Variants in TACR3 observed in about 807,000 individuals in gnomAD.
TACR3 encodes neuromedin-K receptor.
TACR3 carries 34 observed loss-of-function variants against 35.0 expected under a neutral mutation model. The observed-to-expected ratio is 0.97, with a 90% CI of 0.74 to 1.30. TACR3 has a LOEUF of 1.30. Among genes scored for constraint, TACR3 ranks in the 50% most tolerant of loss-of-function variants. TACR3 has a pLI of 0.00. For synonymous variants in TACR3, 233 were observed against 221.1 expected (o/e 1.05, Z -0.48); for missense variants, 558 against 591.7 (o/e 0.94, Z 0.59).
At chr4:103,611,879 C>G (rs1169836540) in intron 3 of TACR3, among the ~76,000 whole-genome samples, 1 of 152,140 alleles carries the variant, frequency 6.6e-6, no homozygotes, top group Non-Finnish European at 1.5e-5. Flanking sequence ...CATTCAATCA[C>G]TTGGCAAATC....
chr4:103,614,972 G>T (rs1355151043), intron 3 of TACR3, among the ~76,000 whole-genome samples: 1 of 132,278 alleles, frequency 7.6e-6, no homozygotes, highest in Non-Finnish European at 1.5e-5. Context: ...TCCGCTCACT[G>T]CAAGCTCCGC....
chr4:103,610,932 G>A (rs1024979890), intron 3 of TACR3, among the ~76,000 whole-genome samples: 11 of 152,080 alleles, frequency 7.2e-5, no homozygotes, highest in Non-Finnish European at 1.6e-4. Flanking sequence ...TCAGTCGGGT[G>A]TAAAGTGTGG....
intron 3 of TACR3, among the ~76,000 whole-genome samples, chr4:103,604,530 A>T (rs554230541): frequency 6.6e-6 from 1 of 152,358 alleles, no homozygotes; most frequent in Non-Finnish European, 1.5e-5. Flanking sequence ...AAAAGCCAAA[A>T]TTGACAAATG....
At position 103,615,398 on chromosome 4, in the gene TACR3, T is replaced by TGTGAGA. The variant is rs367881970; in HGVS notation, c.889-23716_889-23715insTCTCAC. ...TATCGTGTGTGTGTGTGTGTGTGTG[T>TGTGAGA]GAGAGAGAGAGAGAGAGAGAGAGAG... On this transcript the variant is annotated intron_variant, in intron 3 of 4. Transcript: ENST00000304883. Among the ~76,000 whole-genome samples the TGTGAGA allele has an allele frequency of 3.4e-3, 400 of 117,196 alleles. 1 individual carries two copies. Among genetic ancestry groups the TGTGAGA allele is most frequent in the African/African-American group, 9.9e-3 (345 of 34,724 alleles). The allele number at this position is 117,196 out of a possible 152,430, so 76.9% of individuals were successfully genotyped here.
Position 103,626,902 on chromosome 4 carries a change from C to T in TACR3, c.888+29292G>A, listed in dbSNP as rs112656180. The stretch of plus-strand genomic sequence containing the variant: ...GTTTTAATTGTGGTGGGGCCGAGCG[C>T]GGTAGCTCACACCCGTTATCCCAGC... On this transcript the variant is annotated intron_variant, in intron 3 of 4. Transcript: ENST00000304883. 6.8e-3 allele frequency among the ~76,000 whole-genome samples: 1,030 copies of T among 151,734 alleles called. 11 individuals carry two copies. Among genetic ancestry groups the T allele is most frequent in the African/African-American group, 0.023 (964 of 41,330 alleles).
At chr4:103,601,967 A>G (rs185497034) in intron 3 of TACR3, among the ~76,000 whole-genome samples, 1 of 152,358 alleles carries the variant, frequency 6.6e-6, no homozygotes, top group Non-Finnish European at 1.5e-5. Flanking sequence ...CCTAGATAGT[A>G]TCCTGCAGAG....
intron 1 of TACR3, among the ~76,000 whole-genome samples, chr4:103,687,076 G>A (rs1407288560): frequency 1.3e-5 from 2 of 152,010 alleles, no homozygotes; most frequent in African/African-American, 4.8e-5. Flanking sequence ...TCCCTGGGAT[G>A]CAAGGCTGGT....
chr4:103,613,645 C>T (rs2110298703), intron 3 of TACR3, among the ~76,000 whole-genome samples: 1 of 152,220 alleles, frequency 6.6e-6, no homozygotes, highest in South Asian at 2.1e-4. Context: ...ATTTTAATAG[C>T]TGGTAATAAA....
At chr4:103,680,639 C>A (rs1722037090) in intron 1 of TACR3, among the ~76,000 whole-genome samples, 1 of 151,212 alleles carries the variant, frequency 6.6e-6, no homozygotes, top group Non-Finnish European at 1.5e-5. Flanking sequence ...CATTTGTACC[C>A]TAACAGATAG....
rs10603685 is a variant in TACR3 at position 103,695,711 on chromosome 4, C to CTGTGTGTGTG, written c.548+23407_548+23416dup. Among the ~76,000 whole-genome samples, 229 of 146,196 alleles carry CTGTGTGTGTG rather than the reference C, an allele frequency of 1.6e-3. 1 individual carries two copies. The highest frequency in any genetic ancestry group is 4.7e-3 in the African/African-American group (189 of 40,212). On this transcript the variant is annotated intron_variant, in intron 1 of 4. Coordinates refer to ENST00000304883, the MANE Select transcript of TACR3 (RefSeq NM_001059.3). ...ACAGAATATAGATATGTCTCTCTCT[C>CTGTGTGTGTG]TGTGTGTGTGTGTGTGTGTGTGTGT... is the stretch of plus-strand genomic sequence containing the variant.
At chr4:103,640,228 C>A (rs1640002706) in intron 3 of TACR3, among the ~76,000 whole-genome samples, 1 of 152,010 alleles carries the variant, frequency 6.6e-6, no homozygotes, top group Non-Finnish European at 1.5e-5. Context: ...ATGTTTGTCC[C>A]CATTATAAAA....
intron 3 of TACR3, among the ~76,000 whole-genome samples, chr4:103,623,578 G>C (rs77789401): frequency 0.031 from 4,794 of 152,202 alleles, 134 homozygotes; most frequent in Non-Finnish European, 0.046. Context: ...GAGGGTGTGG[G>C]TTAAATCCTT....
chr4:103,681,901 T>C (rs1722099314), intron 1 of TACR3, among the ~76,000 whole-genome samples: 1 of 152,048 alleles, frequency 6.6e-6, no homozygotes, highest in African/African-American at 2.4e-5. Flanking sequence ...AAAACAAATA[T>C]ATATTCTTAG....
At chr4:103,610,269 C>T (rs968645787) in intron 3 of TACR3, among the ~76,000 whole-genome samples, 1 of 151,882 alleles carries the variant, frequency 6.6e-6, no homozygotes, top group Non-Finnish European at 1.5e-5. Flanking sequence ...TTCCTGTGCA[C>T]CTTTGCCAGC....
chr4:103,607,071 T>C, intron 3 of TACR3, among the ~76,000 whole-genome samples: 1 of 152,184 alleles, frequency 6.6e-6, no homozygotes, highest in East Asian at 1.9e-4. Flanking sequence ...GATGCAAGGC[T>C]GGTTCAATAT....
chr4:103,693,698 G>A (rs537038313), intron 1 of TACR3, among the ~76,000 whole-genome samples: 7 of 151,902 alleles, frequency 4.6e-5, no homozygotes, highest in African/African-American at 1.7e-4. Flanking sequence ...AATACTTAAA[G>A]GTTTGCTTTA....
At chr4:103,590,434 C>T (rs115576721) in intron 4 of TACR3, among the ~76,000 whole-genome samples, 5,158 of 152,074 alleles carry the variant, frequency 0.034, 329 homozygotes, top group African/African-American at 0.12. Flanking sequence ...AAATTAAAGT[C>T]TCGTTTAATG....
At chr4:103,685,033 T>C (rs546386113) in intron 1 of TACR3, among the ~76,000 whole-genome samples, 2 of 139,698 alleles carry the variant, frequency 1.4e-5, no homozygotes, top group East Asian at 4.4e-4. Context: ...ATAAATAAAA[T>C]GTATATTAAC....
intron 3 of TACR3, among the ~76,000 whole-genome samples, chr4:103,621,578 T>C (rs78832916): frequency 0.024 from 3,588 of 152,256 alleles, 126 homozygotes; most frequent in African/African-American, 0.081. Flanking sequence ...AGAAAATAAC[T>C]ATATGAGTAC....
Sources: allele counts gnomAD v4.1 joint callset (sites outside exome capture counted in the v4.1 genomes callset), GRCh38; gene constraint gnomAD v4.1.1; transcripts MANE v1.5; gene names NCBI Gene and HGNC (gene_info 2026-07-23, HGNC 2026-07-21).